SRCIN1: variants seen among roughly 807,000 people sequenced by gnomAD.
SRCIN1 encodes SRC kinase signaling inhibitor 1, also known as P130Cas-associated protein.
In SRCIN1, 50 loss-of-function variants were observed where a neutral mutation model predicts 116.2. The observed-to-expected ratio is 0.43, with a 90% confidence interval of 0.34 to 0.54. The LOEUF (loss-of-function observed/expected upper bound fraction) is 0.54, where lower values mean the gene tolerates loss of function less well. SRCIN1 is among the 20% of genes least tolerant of loss of function. SRCIN1 has a pLI of 0.02. For synonymous variants in SRCIN1, 736 were observed against 750.0 expected, an observed-to-expected ratio of 0.98 and a Z score of 0.30; for missense variants, 1,446 against 1,672.0, an observed-to-expected ratio of 0.86 and a Z score of 2.36.
rs1168622949 is a variant in SRCIN1, at chr17:38,561,519, C to T, written c.1644G>A (p.Gly548=). The T allele has an allele frequency of 8.1e-6, 13 of 1,598,058 alleles. No homozygotes were observed. The highest frequency in any genetic ancestry group is 2.3e-5 in the East Asian group (1 of 43,694). ...GCCCGAACCCAACCAGCGAGCGTTC[C>T]CCAGGCCCAGGGAAGAGCTCCGAAG... The part of the protein sequence containing the change: ...APPSELFPGP[G]ERSLVGFGPP... The change falls in exon 7 of 19, where the codon GGG becomes GGA. Residue 548 remains glycine, a synonymous_variant. Transcript: ENST00000617146.
upstream of SRCIN1, chr17:38,605,952 TGCGCGC>T (rs1252525149): frequency 7.2e-6 from 1 of 139,726 alleles, no homozygotes; most frequent in African/African-American, 2.6e-5. Flanking sequence ...AGTGTGTGTC[TGCGCGC>T]GCGCGGGCCG....
intron 18 of SRCIN1, among the ~76,000 whole-genome samples, chr17:38,539,162 G>T (rs1284763577): frequency 6.6e-6 from 1 of 152,168 alleles, no homozygotes. Context: ...AGGTGCTGTG[G>T]GGATGCAGCT....
rs1281339991 is a variant in SRCIN1, at chr17:38,558,356, G to A, written c.2072C>T (p.Ala691Val). The A allele has an allele frequency of 1.9e-6, 3 of 1,607,870 alleles. No homozygotes were observed. The East Asian group carries it at 6.7e-5, about 36-fold the overall frequency. Residue 691 changes from alanine (A) to valine (V), a missense_variant, in exon 11 of 19, where the codon GCA (alanine) becomes GTA (valine). Physicochemically the swap from Ala to Val is moderately conservative, Grantham distance 64. This residue lies in a region of SRCIN1 where 398 missense variants were observed against 385.6 expected (regional missense o/e 1.03). Coordinates refer to ENST00000617146, the MANE Select transcript of SRCIN1 (RefSeq NM_025248.3). This position sits in a 1 kb window ranked among gnomAD's most constrained non-coding sequence, Gnocchi z 4.6. The stretch of plus-strand genomic sequence containing the variant: ...CTCCGACACGCGCATGCTCAGCTCT[G>A]CCTCCGTGCGCTTCAGCAGCGCGCG... ...SVRALLKRTE[A>V]ELSMRVSEAA...
chr17:38,537,283 C>T (rs543169437), intron 18 of SRCIN1, among the ~76,000 whole-genome samples: 9 of 148,712 alleles, frequency 6.1e-5, no homozygotes, highest in Non-Finnish European at 4.5e-5. Context: ...GGTGGATCAC[C>T]TGAGGTCAGG....
rs1906006385 is a variant in SRCIN1 at position 38,558,987 on chromosome 17, G to A, written c.2026-585C>T. The stretch of plus-strand genomic sequence containing the variant: ...AACCCTGTTCCAAGCCTGAATGGCG[G>A]GGGTGGGCAAGATCTTACCCGTTGC... On this transcript the variant is annotated intron_variant, in intron 10 of 18. Transcript: ENST00000617146. The surrounding 1 kb of genome is among the most constrained non-coding windows in gnomAD (Gnocchi z 4.6). The A allele has an allele frequency of 6.0e-6, 1 of 165,382 alleles. No individual in the cohort carries two copies. The highest frequency in any genetic ancestry group is 1.3e-5 in the Non-Finnish European group (1 of 76,464). The allele number at this position is 165,382 out of a possible 1,614,324, so 10.2% of individuals were successfully genotyped here.
At chr17:38,582,590 C>T (rs778032367) in intron 1 of SRCIN1, among the ~76,000 whole-genome samples, 5 of 151,886 alleles carry the variant, frequency 3.3e-5, no homozygotes, top group Non-Finnish European at 4.4e-5. Context: ...TGGGGTGAGG[C>T]GGGCAGGAGC....
In SRCIN1 at chr17:38,572,682, G is replaced by T. The variant is rs879641673; in HGVS notation, c.325-4451C>A. On this transcript the variant is annotated intron_variant, in intron 2 of 18. Transcript: ENST00000617146. This position sits in a 1 kb window ranked among gnomAD's most constrained non-coding sequence, Gnocchi z 4.3. ...CTCCCCCTTACCTGCGGCCACAGGT[G>T]TACGTGCGGGGTCCCCAGCCCCAGG... 2 of 151,928 alleles carry T rather than the reference G, an allele frequency of 1.3e-5. No homozygotes were observed. Among genetic ancestry groups the T allele is most frequent in the Non-Finnish European group, 2.9e-5 (2 of 67,820 alleles). The allele number at this position is 151,928 out of a possible 1,614,324, so 9.4% of individuals were successfully genotyped here. A position where few individuals can be genotyped will look rare whatever the true frequency, so the allele number is the denominator to read the frequency against.
At chr17:38,571,505 C>T (rs1402051209) in intron 2 of SRCIN1, among the ~76,000 whole-genome samples, 2 of 152,276 alleles carry the variant, frequency 1.3e-5, no homozygotes, top group East Asian at 3.9e-4. Flanking sequence ...GTTAGGAGGG[C>T]AGAGGGCAGG....
chr17:38,596,848 A>G (rs1018096983), intron 1 of SRCIN1, among the ~76,000 whole-genome samples: 1 of 151,764 alleles, frequency 6.6e-6, no homozygotes, highest in African/African-American at 2.4e-5. Context: ...CCAACCCTCA[A>G]CCTGCCATGG....
At chr17:38,560,858 C>T (rs1484729361) in intron 7 of SRCIN1, among the ~76,000 whole-genome samples, 1 of 152,198 alleles carries the variant, frequency 6.6e-6, no homozygotes, top group Non-Finnish European at 1.5e-5. Context: ...ACACAGGCCA[C>T]GTAAGAGCTG....
At chr17:38,587,504 A>T (rs1324822709) in intron 1 of SRCIN1, among the ~76,000 whole-genome samples, 3 of 152,034 alleles carry the variant, frequency 2.0e-5, no homozygotes, top group Admixed American at 2.0e-4. Flanking sequence ...TAGGCAGGAA[A>T]CCAACACCCA....
chr17:38,591,990 A>G (rs1034010611), intron 1 of SRCIN1, among the ~76,000 whole-genome samples: 4 of 152,224 alleles, frequency 2.6e-5, no homozygotes, highest in Non-Finnish European at 4.4e-5. Context: ...GAGAAGTGGA[A>G]AACCACAAGC....
intron 2 of SRCIN1, among the ~76,000 whole-genome samples, chr17:38,571,408 C>T (rs974161198): frequency 6.6e-6 from 1 of 152,220 alleles, no homozygotes; most frequent in African/African-American, 2.4e-5. Flanking sequence ...TCTGGTCTGG[C>T]ACCACTCCCT....
At chr17:38,559,800 A>T in intron 9 of SRCIN1, 28 bp from the exon 10 acceptor site, 1 of 1,476,436 alleles carries the variant, frequency 6.8e-7, no homozygotes, top group Non-Finnish European at 8.9e-7. Context: ...GATGGGAGAA[A>T]GTGAACAAAC....
intron 18 of SRCIN1, among the ~76,000 whole-genome samples, chr17:38,535,821 C>G (rs1349169355): frequency 6.6e-6 from 1 of 152,176 alleles, no homozygotes; most frequent in African/African-American, 2.4e-5. Context: ...CCCCTGATGT[C>G]TCTTCACACC....
chr17:38,553,596 C>T (rs1905590715), intron 11 of SRCIN1, among the ~76,000 whole-genome samples: 1 of 152,182 alleles, frequency 6.6e-6, no homozygotes, highest in African/African-American at 2.4e-5. Flanking sequence ...AGCCTCTTTC[C>T]TGAGGGCCAA....
intron 2 of SRCIN1, among the ~76,000 whole-genome samples, chr17:38,575,758 C>T (rs1345350193): frequency 6.6e-6 from 1 of 152,174 alleles, no homozygotes; most frequent in African/African-American, 2.4e-5. Context: ...GTGACTCCAC[C>T]CCCTTCGTTC....
chr17:38,562,854 G>A lies in SRCIN1; in HGVS notation c.807C>T (p.Gly269=). 6.2e-7 allele frequency: 1 copy of A among 1,613,816 alleles called. No individual in the cohort carries two copies. The highest frequency in any genetic ancestry group is 8.5e-7 in the Non-Finnish European group (1 of 1,179,804). The change falls in exon 6 of 19, where the codon GGC becomes GGT. Residue 269 remains glycine, a synonymous_variant. Transcript: ENST00000617146. The surrounding 1 kb of genome is among the most constrained non-coding windows in gnomAD (Gnocchi z 4.2). The stretch of plus-strand genomic sequence containing the variant: ...GGAGGTCCCCGTTGGTGAGATGTGA[G>A]CCAGGGAAGGCAGCGTAGAGGGGCT... ...RKEPLYAAFP[G]SHLTNGDLRR...
At chr17:38,575,098 G>T (rs552410848) in intron 2 of SRCIN1, 3 of 398,112 alleles carry the variant, frequency 7.5e-6, no homozygotes, top group African/African-American at 2.1e-5. Flanking sequence ...CTGCAGAGGG[G>T]TCTAGCGATG....
Sources: gnomAD v4.1 joint callset for allele counts (sites outside exome capture counted in the v4.1 genomes callset) on GRCh38, gnomAD v4.1.1 for gene constraint, gnomAD v4.1.1 regional missense constraint, Gnocchi (gnomAD v3.1) non-coding constraint, MANE v1.5 for transcripts, NCBI Gene and HGNC (gene_info 2026-07-23, HGNC 2026-07-21) for gene names.